The following MTX2 variants were observed in gnomAD, a reference collection of about 807,000 sequenced individuals.
MTX2 encodes metaxin 2.
In MTX2, 35 loss-of-function variants were observed where a neutral mutation model predicts 42.3. That is an observed-to-expected ratio of 0.83 (90% CI 0.63 to 1.10). The LOEUF (loss-of-function observed/expected upper bound fraction) is 1.10, where lower values mean the gene tolerates loss of function less well. Ranked by LOEUF, MTX2 falls within the 50% of genes least tolerant of loss-of-function variation. The pLI, the probability that MTX2 is intolerant of heterozygous loss-of-function variation, is 0.00. For synonymous variants in MTX2, 119 were observed against 100.9 expected (o/e 1.18, Z -1.08); for missense variants, 307 against 304.1 (o/e 1.01, Z -0.07).
chr2:176,311,717 G>A (rs1684312645), intron 3 of MTX2, among the ~76,000 whole-genome samples: 3 of 152,240 alleles, frequency 2.0e-5, no homozygotes, highest in Admixed American at 2.0e-4. Context: ...GCCAGGCACG[G>A]GAGAGAATCA....
intron 9 of MTX2, among the ~76,000 whole-genome samples, chr2:176,333,787 A>G (rs1684916418): frequency 1.3e-5 from 2 of 151,730 alleles, no homozygotes; most frequent in South Asian, 2.1e-4. Flanking sequence ...AATACACATT[A>G]TCATTGTGTT....
rs754154251 is a variant in MTX2 at position 176,337,664 on chromosome 2, G to A, written c.792G>A (p.Ter264=). 6.2e-7 allele frequency: 1 copy of A among 1,604,560 alleles called. No homozygotes were observed. The highest frequency in any genetic ancestry group is 2.2e-5 in the East Asian group (1 of 44,580). Residue 264 remains the stop codon, a stop_retained_variant, in exon 10 of 10, where the codon TAG becomes TAA. Coordinates refer to ENST00000249442, the MANE Select transcript of MTX2 (RefSeq NM_006554.5). ...ATCGTGGTAAAGGCAGGCTGTCATAGAGTTATGTGTTAGTCTCAGGAGTCT... is the reference window on the plus strand; with the variant it reads ...ATCGTGGTAAAGGCAGGCTGTCATAAAGTTATGTGTTAGTCTCAGGAGTCT... ...FEDRGKGRLS[*]
chr2:176,332,896 G>A (rs925810775), intron 9 of MTX2, among the ~76,000 whole-genome samples: 2 of 151,002 alleles, frequency 1.3e-5, no homozygotes, highest in Non-Finnish European at 3.0e-5. Flanking sequence ...TAATGAATAA[G>A]CAAAGCAAAA....
intron 3 of MTX2, among the ~76,000 whole-genome samples, chr2:176,314,585 G>A (rs1343455275): frequency 6.6e-6 from 1 of 152,142 alleles, no homozygotes; most frequent in Non-Finnish European, 1.5e-5. Context: ...AATTAGATAT[G>A]TATAATATTT....
At chr2:176,316,111 AT>A (rs1684431269) in intron 3 of MTX2, among the ~76,000 whole-genome samples, 1 of 152,046 alleles carries the variant, frequency 6.6e-6, no homozygotes, top group Non-Finnish European at 1.5e-5. Flanking sequence ...TGTTGAATTT[AT>A]TTTTGTAGGT....
rs565765596 is a variant in MTX2 at position 176,328,747 on chromosome 2, AAAAC to A, written c.379-122_379-119del. On this transcript the variant is annotated intron_variant, in intron 6 of 9. Coordinates refer to ENST00000249442, the MANE Select transcript of MTX2 (RefSeq NM_006554.5). ...ACATTTTTGTGGATAGCAGCTAAGAAAAACAAACCGCTACATGTGTGACTTATGA... is the reference window on the plus strand; with the variant it reads ...ACATTTTTGTGGATAGCAGCTAAGAAAAACCGCTACATGTGTGACTTATGA... 609 of 822,720 alleles carry A rather than the reference AAAAC, an allele frequency of 7.4e-4. 5 individuals are homozygous for A. The highest frequency in any genetic ancestry group is 4.7e-3 in the South Asian group (252 of 53,280). 51.0% of individuals were successfully genotyped at this position (822,720 alleles called of 1,614,324 possible). A position where few individuals can be genotyped will look rare whatever the true frequency, so the allele number is the denominator to read the frequency against.
intron 3 of MTX2, among the ~76,000 whole-genome samples, chr2:176,322,298 TATA>T (rs1182847128): frequency 1.3e-5 from 2 of 152,144 alleles, no homozygotes; most frequent in Non-Finnish European, 2.9e-5. Flanking sequence ...AGGAAGGAAT[TATA>T]ATAAACCTAT....
intron 1 of MTX2, chr2:176,270,460 G>T: frequency 7.8e-7 from 1 of 1,283,056 alleles, no homozygotes; most frequent in Non-Finnish European, 1.1e-6. Context: ...TTATTGTAAT[G>T]AAAGAAATTA....
chr2:176,336,926 C>T (rs577409904), intron 9 of MTX2, among the ~76,000 whole-genome samples: 4 of 152,202 alleles, frequency 2.6e-5, no homozygotes, highest in African/African-American at 9.6e-5. Flanking sequence ...CTAAAATCTG[C>T]AGAGTTCAAG....
At position 176,269,533 on chromosome 2, in the gene MTX2, GC is replaced by G; in HGVS notation, c.-96del. ...CTTTGCGAGTCTGAACGTTGGCGGG[GC>G]TAGGCTCGTTAACTGCCGAGAGCCT... On this transcript the variant is annotated 5_prime_UTR_variant, in exon 1 of 10. Transcript: ENST00000249442. 7.3e-7 allele frequency: 1 copy of G among 1,367,564 alleles called. No individual in the cohort carries two copies. The highest frequency in any genetic ancestry group is 9.8e-7 in the Non-Finnish European group (1 of 1,016,886). 84.7% of individuals were successfully genotyped at this position (1,367,564 alleles called of 1,614,324 possible).
At chr2:176,322,538 A>G (rs1243140324) in intron 3 of MTX2, among the ~76,000 whole-genome samples, 1 of 152,080 alleles carries the variant, frequency 6.6e-6, no homozygotes, top group African/African-American at 2.4e-5. Flanking sequence ...GAATAGAGAA[A>G]AAGAAGCCAA....
In MTX2 at chr2:176,326,826, TA is replaced by T. The variant is rs573100784; in HGVS notation, c.213del (p.Val72TyrfsTer10). 1 of 1,553,964 alleles carries T rather than the reference TA, an allele frequency of 6.4e-7. No individual in the cohort carries two copies. Among genetic ancestry groups the T allele is most frequent in the South Asian group, 1.2e-5 (1 of 83,370 alleles). On this transcript the variant is annotated frameshift_variant and splice_region_variant, in exon 5 of 10. Transcript: ENST00000249442. LOFTEE classifies it high-confidence loss of function. ...AATACTTTTTTTTTCTCTCAACAGG[TA>T]AAGTACCTTTTATTCATGTGGGAAA... ...ANAEYMSPSG[K>X]VPFIHVGNQV...
chr2:176,328,897 A>G lies in MTX2; in HGVS notation c.402A>G (p.Glu134=), dbSNP rs1684785858. 3 of 1,607,278 alleles carry G rather than the reference A, an allele frequency of 1.9e-6. No individual in the cohort carries two copies. The highest frequency in any genetic ancestry group is 2.2e-5 in the East Asian group (1 of 44,694). Residue 134 remains glutamate (E), a synonymous_variant, in exon 7 of 10, where the codon GAA becomes GAG. Coordinates refer to ENST00000249442, the MANE Select transcript of MTX2 (RefSeq NM_006554.5). The part of the protein sequence containing the change: ...TAELYLQWCD[E]ATVGEITHAR... ...AGCTGTATCTTCAGTGGTGTGATGAAGCTACAGTAGGGGAGGTGAGTGGTT... is the reference window on the plus strand; with the variant it reads ...AGCTGTATCTTCAGTGGTGTGATGAGGCTACAGTAGGGGAGGTGAGTGGTT...
intron 3 of MTX2, among the ~76,000 whole-genome samples, chr2:176,305,032 G>A (rs998441291): frequency 2.0e-5 from 3 of 151,844 alleles, no homozygotes; most frequent in African/African-American, 4.8e-5. Context: ...TTAAAATTTT[G>A]AATTACTTTT....
intron 3 of MTX2, among the ~76,000 whole-genome samples, chr2:176,301,374 G>A (rs550669836): frequency 6.6e-5 from 10 of 152,230 alleles, no homozygotes; most frequent in East Asian, 5.8e-4. Flanking sequence ...CATTGGTTGA[G>A]TGCCACCTGT....
chr2:176,309,835 T>C (rs151289842), intron 3 of MTX2, among the ~76,000 whole-genome samples: 1,589 of 150,346 alleles, frequency 0.011, 29 homozygotes, highest in African/African-American at 0.037. Flanking sequence ...TACAGCACAC[T>C]GATGGGTCTT....
intron 3 of MTX2, among the ~76,000 whole-genome samples, chr2:176,322,119 C>T (rs545564834): frequency 6.6e-6 from 1 of 152,174 alleles, no homozygotes; most frequent in South Asian, 2.1e-4. Flanking sequence ...ATCAGACTCA[C>T]GTGGGATTTA....
chr2:176,290,096 C>G (rs1693294876), intron 1 of MTX2, among the ~76,000 whole-genome samples: 1 of 152,014 alleles, frequency 6.6e-6, no homozygotes, highest in Admixed American at 6.6e-5. Flanking sequence ...GTCCTAAAAG[C>G]CTTTTTGATG....
chr2:176,322,087 A>G (rs1684598361), intron 3 of MTX2, among the ~76,000 whole-genome samples: 1 of 152,140 alleles, frequency 6.6e-6, no homozygotes, highest in Non-Finnish European at 1.5e-5. Flanking sequence ...TGTAAGAATC[A>G]GAGGATGCAA....
Sources: allele counts gnomAD v4.1 joint callset (sites outside exome capture counted in the v4.1 genomes callset), GRCh38; gene constraint gnomAD v4.1.1; transcripts MANE v1.5; gene names NCBI Gene and HGNC (gene_info 2026-07-23, HGNC 2026-07-21).